CDH12: variants seen among roughly 807,000 people sequenced by gnomAD.
CDH12 encodes cadherin-12.
A neutral mutation model predicts 74.1 loss-of-function variants in CDH12; 41 were observed. That is an observed-to-expected ratio of 0.55 (90% CI 0.43 to 0.72). The LOEUF (loss-of-function observed/expected upper bound fraction) is 0.72, where lower values mean the gene tolerates loss of function less well. Among genes scored for constraint, CDH12 ranks in the 30% least tolerant of loss-of-function variants. The probability of loss-of-function intolerance (pLI) is 0.00; values close to 1 mark genes in which losing one functional copy is unlikely to be tolerated. For missense variants in CDH12, 945 were observed against 977.2 expected (o/e 0.97, Z 0.44); for synonymous variants, 399 against 355.0 (o/e 1.12, Z -1.39).
chr5:21,898,527 C>T (rs779910779), intron 6 of CDH12, among the ~76,000 whole-genome samples: 107 of 152,030 alleles, frequency 7.0e-4, no homozygotes, highest in Non-Finnish European at 1.3e-3. Context: ...ACGGTGAAAC[C>T]CCGTCTCTAC....
intron 6 of CDH12, among the ~76,000 whole-genome samples, chr5:21,880,505 C>CTTTT (rs1752200121): frequency 3.3e-4 from 2 of 6,114 alleles, no homozygotes; most frequent in Non-Finnish European, 3.0e-3. Flanking sequence ...CTTCCTTCCT[C>CTTTT]CCTCCCTCCC....
intron 1 of CDH12, among the ~76,000 whole-genome samples, chr5:22,739,509 A>G (rs1744913356): frequency 6.6e-6 from 1 of 152,124 alleles, no homozygotes; most frequent in Admixed American, 6.6e-5. Context: ...GTGAAAACAG[A>G]AACAAAATAA....
chr5:22,816,012 A>C (rs1749378893), intron 1 of CDH12, among the ~76,000 whole-genome samples: 1 of 152,128 alleles, frequency 6.6e-6, no homozygotes. Context: ...AGCTTAGGGC[A>C]GAAAGGGCAA....
At chr5:21,904,355 T>A (rs147420004) in intron 6 of CDH12, among the ~76,000 whole-genome samples, 1 of 152,066 alleles carries the variant, frequency 6.6e-6, no homozygotes, top group Non-Finnish European at 1.5e-5. Flanking sequence ...ACAAGAGACA[T>A]GTGGAAGGAA....
intron 4 of CDH12, among the ~76,000 whole-genome samples, chr5:22,106,267 C>T (rs1744436350): frequency 6.6e-6 from 1 of 152,028 alleles, no homozygotes; most frequent in Admixed American, 6.6e-5. Context: ...ATATGTATCC[C>T]CAAACATAAA....
At chr5:21,803,395 C>G (rs2149925446) in intron 9 of CDH12, among the ~76,000 whole-genome samples, 1 of 152,092 alleles carries the variant, frequency 6.6e-6, no homozygotes, top group East Asian at 1.9e-4. Flanking sequence ...AACACATCAT[C>G]AATACACATT....
chr5:22,734,704 G>T (rs962112708), intron 1 of CDH12, among the ~76,000 whole-genome samples: 1 of 151,924 alleles, frequency 6.6e-6, no homozygotes, highest in African/African-American at 2.4e-5. Context: ...CTAATGAGTT[G>T]AATTTCCCCC....
Position 22,153,903 on chromosome 5 carries a change from T to TACACACAC in CDH12, c.-187+58587_-187+58594dup, listed in dbSNP as rs773341844. On this transcript the variant is annotated intron_variant, in intron 4 of 14. Coordinates refer to ENST00000382254, the MANE Select transcript of CDH12 (RefSeq NM_004061.5). ...ATATATATATAAATATATATATATATACACACACATACACACACACACACA... is the reference window on the plus strand; with the variant it reads ...ATATATATATAAATATATATATATATACACACACACACACACATACACACACACACACA... Among the ~76,000 whole-genome samples, 912 of 110,924 alleles carry TACACACAC rather than the reference T, an allele frequency of 8.2e-3. 13 individuals are homozygous for TACACACAC. The highest frequency in any genetic ancestry group is 0.01 in the Middle Eastern group (2 of 192). The allele number at this position is 110,924 out of a possible 152,430, so 72.8% of individuals were successfully genotyped here.
intron 4 of CDH12, among the ~76,000 whole-genome samples, chr5:22,205,940 G>T (rs1465836628): frequency 4.0e-5 from 6 of 151,882 alleles, no homozygotes; most frequent in African/African-American, 1.2e-4. Flanking sequence ...GTCCAAAATG[G>T]TTATGTAGAA....
intron 2 of CDH12, among the ~76,000 whole-genome samples, chr5:22,414,712 T>G (rs1255519387): frequency 1.3e-5 from 2 of 151,902 alleles, no homozygotes; most frequent in Non-Finnish European, 2.9e-5. Context: ...TTGCATATTA[T>G]TAGTTATAGT....
intron 3 of CDH12, among the ~76,000 whole-genome samples, chr5:22,252,067 G>A (rs1055555981): frequency 1.3e-5 from 2 of 151,852 alleles, no homozygotes; most frequent in African/African-American, 2.4e-5. Context: ...TGATATCTAT[G>A]ATCAGCTCCT....
intron 6 of CDH12, among the ~76,000 whole-genome samples, chr5:21,898,425 A>G (rs931432223): frequency 6.6e-6 from 1 of 152,110 alleles, no homozygotes; most frequent in East Asian, 1.9e-4. Context: ...GAGAAAGGCC[A>G]GGCGCGGTGG....
chr5:22,239,880 G>A (rs994772615), intron 3 of CDH12, among the ~76,000 whole-genome samples: 5 of 152,024 alleles, frequency 3.3e-5, no homozygotes, highest in East Asian at 1.9e-4. Context: ...TTGCTTTAAC[G>A]GAAAACTAAG....
chr5:22,714,749 T>C (rs976542363), intron 1 of CDH12, among the ~76,000 whole-genome samples: 2 of 152,212 alleles, frequency 1.3e-5, no homozygotes, highest in African/African-American at 4.8e-5. Flanking sequence ...AGTAATCATA[T>C]TGAGATTTGT....
intron 4 of CDH12, among the ~76,000 whole-genome samples, chr5:22,145,451 T>C (rs1335821511): frequency 2.0e-5 from 3 of 152,078 alleles, no homozygotes; most frequent in Admixed American, 6.6e-5. Flanking sequence ...GGTTGCCACA[T>C]TGATCCTGAT....
At chr5:22,355,989 T>G (rs921428121) in intron 3 of CDH12, among the ~76,000 whole-genome samples, 1 of 152,214 alleles carries the variant, frequency 6.6e-6, no homozygotes, top group Non-Finnish European at 1.5e-5. Context: ...GAGAATGATG[T>G]GTTAAGTAAG....
chr5:22,440,472 C>A (rs528254279), intron 2 of CDH12, among the ~76,000 whole-genome samples: 112 of 152,140 alleles, frequency 7.4e-4, no homozygotes, highest in Middle Eastern at 3.4e-3. Context: ...CTTACGGTTG[C>A]CATGACAAAT....
At chr5:21,778,036 T>G (rs1464008810) in intron 11 of CDH12, among the ~76,000 whole-genome samples, 1 of 152,200 alleles carries the variant, frequency 6.6e-6, no homozygotes, top group Non-Finnish European at 1.5e-5. Context: ...CTTGAATTAA[T>G]TCCTCCTATC....
intron 1 of CDH12, among the ~76,000 whole-genome samples, chr5:22,639,529 T>C (rs1326100711): frequency 6.6e-6 from 1 of 150,746 alleles, no homozygotes; most frequent in African/African-American, 2.4e-5. Context: ...CATGAGGCAA[T>C]TGCCGACTGC....
Sources: allele counts gnomAD v4.1 joint callset (sites outside exome capture counted in the v4.1 genomes callset), GRCh38; gene constraint gnomAD v4.1.1; transcripts MANE v1.5; gene names NCBI Gene and HGNC (gene_info 2026-07-23, HGNC 2026-07-21).